The following RUNDC3B variants were observed in gnomAD, a reference collection of about 807,000 sequenced individuals.
RUNDC3B encodes the protein RUN domain-containing protein 3B.
RUNDC3B carries 33 observed loss-of-function variants against 58.4 expected under a neutral mutation model. The observed-to-expected ratio is 0.56, with a 90% CI of 0.43 to 0.75. RUNDC3B has a LOEUF of 0.75. Among genes scored for constraint, RUNDC3B ranks in the 30% least tolerant of loss-of-function variants. The probability of loss-of-function intolerance (pLI) is 0.00; values close to 1 mark genes in which losing one functional copy is unlikely to be tolerated. For missense variants in RUNDC3B, 501 were observed against 535.7 expected (o/e 0.94, Z 0.64); for synonymous variants, 193 against 195.2 (o/e 0.99, Z 0.10).
intron 6 of RUNDC3B, among the ~76,000 whole-genome samples, chr7:87,749,727 A>G (rs1832851577): frequency 6.6e-6 from 1 of 152,136 alleles, no homozygotes; most frequent in Non-Finnish European, 1.5e-5. Flanking sequence ...GAAAAATTAT[A>G]AAATAAATAA....
chr7:87,658,332 G>T (rs901495156), intron 2 of RUNDC3B, among the ~76,000 whole-genome samples: 2 of 152,080 alleles, frequency 1.3e-5, no homozygotes, highest in Non-Finnish European at 2.9e-5. Context: ...CAAAACAATA[G>T]AAATTTCCTA....
rs758189339 is a variant in RUNDC3B at position 87,770,706 on chromosome 7, G to T, written c.755G>T (p.Cys252Phe). The T allele has an allele frequency of 3.1e-6, 5 of 1,613,648 alleles. No homozygotes were observed. Among genetic ancestry groups the T allele is most frequent in the Non-Finnish European group, 4.2e-6 (5 of 1,179,632 alleles). ...GATGAGAACAGTTGGTTCAACAAGT[G>T]TAAGAGAGTTAAACAAAAGTATCAG... ...LMDENSWFNK[C>F]KRVKQKYQLT... Residue 252 changes from cysteine (C) to phenylalanine (F), a missense_variant, in exon 7 of 11, where the codon TGT becomes TTT. By Grantham distance (205) the Cys-to-Phe change is radical. Transcript: ENST00000394654.
At chr7:87,685,193 A>G (rs937145833) in intron 2 of RUNDC3B, among the ~76,000 whole-genome samples, 1 of 152,216 alleles carries the variant, frequency 6.6e-6, no homozygotes, top group African/African-American at 2.4e-5. Flanking sequence ...CATGTTTGAC[A>G]AAGGGATTGT....
chr7:87,829,165 A>G (rs1450209909), intron 10 of RUNDC3B, among the ~76,000 whole-genome samples: 3 of 151,724 alleles, frequency 2.0e-5, no homozygotes, highest in African/African-American at 7.3e-5. Flanking sequence ...TAATGGGGTT[A>G]TTTTTTGCTT....
intron 2 of RUNDC3B, among the ~76,000 whole-genome samples, chr7:87,687,089 A>G (rs1585102472): frequency 6.6e-6 from 1 of 152,184 alleles, no homozygotes; most frequent in Non-Finnish European, 1.5e-5. Context: ...TTAATCTGCT[A>G]ATTATACTTA....
At chr7:87,757,389 A>G (rs1019729236) in intron 6 of RUNDC3B, among the ~76,000 whole-genome samples, 2 of 152,176 alleles carry the variant, frequency 1.3e-5, no homozygotes, top group Non-Finnish European at 2.9e-5. Context: ...CTATATGCCA[A>G]CAGTGAACAA....
chr7:87,667,842 A>G (rs566891082), intron 2 of RUNDC3B, among the ~76,000 whole-genome samples: 25 of 152,296 alleles, frequency 1.6e-4, no homozygotes, highest in African/African-American at 4.6e-4. Context: ...AGCCTACTCA[A>G]TCTTGATGGA....
intron 2 of RUNDC3B, among the ~76,000 whole-genome samples, chr7:87,663,068 C>T (rs901026838): frequency 2.6e-5 from 4 of 152,006 alleles, no homozygotes; most frequent in African/African-American, 9.7e-5. Flanking sequence ...AGGAAAGCTG[C>T]TGACTTTTTG....
intron 9 of RUNDC3B, among the ~76,000 whole-genome samples, chr7:87,813,960 G>T (rs1584267736): frequency 6.8e-6 from 1 of 146,836 alleles, no homozygotes; most frequent in African/African-American, 2.5e-5. Flanking sequence ...CAGCCTGGGC[G>T]ACAGAGCGAG....
At chr7:87,710,338 A>T (rs1202253934) in intron 3 of RUNDC3B, among the ~76,000 whole-genome samples, 1 of 152,054 alleles carries the variant, frequency 6.6e-6, no homozygotes, top group African/African-American at 2.4e-5. Flanking sequence ...CTGTCCCTTC[A>T]GAGGATAGAA....
intron 10 of RUNDC3B, among the ~76,000 whole-genome samples, chr7:87,829,064 G>C (rs905581445): frequency 2.0e-5 from 3 of 152,102 alleles, no homozygotes; most frequent in African/African-American, 7.2e-5. Context: ...GCGTTTCTCT[G>C]ATGATTACTG....
chr7:87,762,167 A>C (rs1364597453), intron 6 of RUNDC3B, among the ~76,000 whole-genome samples: 1 of 151,566 alleles, frequency 6.6e-6, no homozygotes, highest in East Asian at 1.9e-4. Flanking sequence ...TTTGTTTTTA[A>C]ATCGTTAATG....
At chr7:87,819,899 GAAATTT>G (rs1448734626) in intron 10 of RUNDC3B, among the ~76,000 whole-genome samples, 19 of 151,840 alleles carry the variant, frequency 1.3e-4, no homozygotes, top group Admixed American at 2.6e-4. Flanking sequence ...TGTGTAGAGG[GAAATTT>G]ATAGCACTAA....
intron 3 of RUNDC3B, among the ~76,000 whole-genome samples, chr7:87,702,068 A>G (rs1053466049): frequency 5.9e-5 from 8 of 136,274 alleles, no homozygotes; most frequent in Admixed American, 4.1e-4. Context: ...GCGTGAACCC[A>G]GGAGGCGGAG....
chr7:87,783,351 A>G (rs904773904), intron 8 of RUNDC3B, among the ~76,000 whole-genome samples: 1 of 152,038 alleles, frequency 6.6e-6, no homozygotes, highest in Non-Finnish European at 1.5e-5. Flanking sequence ...TTTAGTTTGC[A>G]TGGTAAATCT....
intron 10 of RUNDC3B, among the ~76,000 whole-genome samples, chr7:87,827,474 G>A (rs1218871805): frequency 6.6e-6 from 1 of 152,112 alleles, no homozygotes; most frequent in Non-Finnish European, 1.5e-5. Flanking sequence ...GTGCTAGAGT[G>A]AGACTCTGTC....
At chr7:87,818,390 G>T (rs1036710752) in intron 10 of RUNDC3B, among the ~76,000 whole-genome samples, 1 of 151,998 alleles carries the variant, frequency 6.6e-6, no homozygotes, top group Non-Finnish European at 1.5e-5. Context: ...AAGAAAGGAG[G>T]CTGCATGATA....
intron 1 of RUNDC3B, among the ~76,000 whole-genome samples, chr7:87,650,087 A>G (rs1823429513): frequency 6.6e-6 from 1 of 152,112 alleles, no homozygotes; most frequent in Non-Finnish European, 1.5e-5. Flanking sequence ...CTCACGTCCT[A>G]TTTTATTCTA....
intron 8 of RUNDC3B, among the ~76,000 whole-genome samples, chr7:87,801,583 C>T (rs1046331555): frequency 3.3e-5 from 5 of 151,816 alleles, no homozygotes; most frequent in African/African-American, 1.2e-4. Context: ...CATGGTGAAA[C>T]CCTGTCTCTA....
Sources: gnomAD v4.1 joint callset for allele counts (sites outside exome capture counted in the v4.1 genomes callset) on GRCh38, gnomAD v4.1.1 for gene constraint, MANE v1.5 for transcripts, NCBI Gene and HGNC (gene_info 2026-07-23, HGNC 2026-07-21) for gene names.